Variants in NSG2 observed in about 807,000 individuals in gnomAD.
NSG2 encodes the protein neuronal vesicle trafficking associated 2, also known as neuronal vesicle trafficking-associated protein 2.
NSG2 carries 4 observed loss-of-function variants against 16.9 expected under a neutral mutation model. That is an observed-to-expected ratio of 0.24 (90% CI 0.12 to 0.54). NSG2 has a LOEUF of 0.54. Ranked by LOEUF, NSG2 falls within the 20% of genes least tolerant of loss-of-function variation. NSG2 has a pLI of 0.95. For missense variants in NSG2, 179 were observed against 221.1 expected (o/e 0.81, Z 1.21); for synonymous variants, 98 against 88.7 (o/e 1.11, Z -0.59).
At chr5:174,089,272 C>G (rs558681953) in intron 3 of NSG2, among the ~76,000 whole-genome samples, 11 of 152,174 alleles carry the variant, frequency 7.2e-5, no homozygotes, top group Non-Finnish European at 1.3e-4. Flanking sequence ...AGGGTGGGGT[C>G]CTCAATGAAT....
At chr5:174,076,956 C>T (rs1433279976) in intron 3 of NSG2, among the ~76,000 whole-genome samples, 1 of 152,146 alleles carries the variant, frequency 6.6e-6, no homozygotes, top group Non-Finnish European at 1.5e-5. Context: ...GTCACGCCAC[C>T]AAGGATAAGT....
rs149037053 is a variant in NSG2, at chr5:174,107,069, G to T, written c.325-245G>T. Among the ~76,000 whole-genome samples the T allele has an allele frequency of 1.1e-4, 16 of 152,278 alleles. No homozygotes were observed. Among genetic ancestry groups the T allele is most frequent in the African/African-American group, 3.8e-4 (16 of 41,570 alleles). ...AGCCGGACAGTCAGTATGCAGAGAA[G>T]GCTGGCCTTGAATCAGTGTCAATAT... On this transcript the variant is annotated intron_variant, in intron 4 of 4. Coordinates refer to ENST00000303177, the MANE Select transcript of NSG2 (RefSeq NM_015980.5). This position sits in a 1 kb window ranked among gnomAD's most constrained non-coding sequence, Gnocchi z 4.5.
chr5:174,052,114 T>A (rs1759898495), intron 2 of NSG2, among the ~76,000 whole-genome samples: 1 of 152,142 alleles, frequency 6.6e-6, no homozygotes. Flanking sequence ...GGTCTTCTGA[T>A]CTCCTCTACT....
At chr5:174,097,479 G>A (rs1760815874) in intron 3 of NSG2, among the ~76,000 whole-genome samples, 1 of 151,372 alleles carries the variant, frequency 6.6e-6, no homozygotes, top group African/African-American at 2.4e-5. Context: ...GTGTATGTGT[G>A]TATGTCTGTG....
intron 3 of NSG2, among the ~76,000 whole-genome samples, chr5:174,090,790 C>T (rs938126548): frequency 6.6e-5 from 10 of 152,206 alleles, no homozygotes; most frequent in Non-Finnish European, 1.3e-4. Flanking sequence ...GCAGAAATGC[C>T]GTCTTCCCCA....
chr5:174,086,175 C>T (rs982030745), intron 3 of NSG2, among the ~76,000 whole-genome samples: 1 of 152,200 alleles, frequency 6.6e-6, no homozygotes, highest in African/African-American at 2.4e-5. Flanking sequence ...ACAAGTCACA[C>T]TCCTGGCCTC....
At position 174,107,798 on chromosome 5, in the gene NSG2, C is replaced by G. The variant is rs1561678248; in HGVS notation, c.*293C>G. ...GATATTTTTAAAGCCACTGCTTATT[C>G]TTTGTTAGGAAAATGTAACAGCAGA... On this transcript the variant is annotated 3_prime_UTR_variant, in exon 5 of 5. Coordinates refer to ENST00000303177, the MANE Select transcript of NSG2 (RefSeq NM_015980.5). This position sits in a 1 kb window ranked among gnomAD's most constrained non-coding sequence, Gnocchi z 4.5. 3 of 586,016 alleles carry G rather than the reference C, an allele frequency of 5.1e-6. No individual in the cohort carries two copies. The highest frequency in any genetic ancestry group is 7.3e-5 in the East Asian group (2 of 27,456). The allele number at this position is 586,016 out of a possible 1,614,324, so 36.3% of individuals were successfully genotyped here.
At chr5:174,073,192 C>T (rs1760272771) in intron 3 of NSG2, among the ~76,000 whole-genome samples, 4 of 152,208 alleles carry the variant, frequency 2.6e-5, no homozygotes, top group Admixed American at 2.0e-4. Context: ...ATGCCACATT[C>T]TTAAGAAGTT....
rs150529855 is a variant in NSG2 at position 174,093,542 on chromosome 5, A to T, written c.214-10686A>T. Among the ~76,000 whole-genome samples the T allele has an allele frequency of 5.6e-4, 85 of 152,326 alleles. No individual in the cohort carries two copies. In the East Asian group the frequency reaches 0.016, roughly 29 times the overall value. ...CTTGGTACTAGGGGAAGGGCTAAAA[A>T]GAACCCAGGTGTCATCTGGGCAGAA... On this transcript the variant is annotated intron_variant, in intron 3 of 4. Coordinates refer to ENST00000303177, the MANE Select transcript of NSG2 (RefSeq NM_015980.5).
At chr5:174,073,244 T>C (rs974306168) in intron 3 of NSG2, among the ~76,000 whole-genome samples, 1 of 152,244 alleles carries the variant, frequency 6.6e-6, no homozygotes, top group African/African-American at 2.4e-5. Flanking sequence ...TACCAATTTT[T>C]CATCAAAACT....
intron 2 of NSG2, among the ~76,000 whole-genome samples, chr5:174,050,548 G>T (rs1759871089): frequency 6.6e-6 from 1 of 152,182 alleles, no homozygotes; most frequent in African/African-American, 2.4e-5. Context: ...ATGAAGAGTG[G>T]AAGGGCTAGG....
At chr5:174,069,624 T>G (rs1366136244) in intron 3 of NSG2, among the ~76,000 whole-genome samples, 1 of 152,184 alleles carries the variant, frequency 6.6e-6, no homozygotes, top group Non-Finnish European at 1.5e-5. Flanking sequence ...AATTATCATT[T>G]TCTTTCTTTC....
At chr5:174,055,013 G>T (rs1265132860) in intron 2 of NSG2, among the ~76,000 whole-genome samples, 7 of 152,182 alleles carry the variant, frequency 4.6e-5, no homozygotes, top group African/African-American at 1.4e-4. Context: ...TTAATGCAAC[G>T]GAGTAATTAT....
chr5:174,053,173 G>A (rs184225451), intron 2 of NSG2, among the ~76,000 whole-genome samples: 3 of 152,132 alleles, frequency 2.0e-5, no homozygotes. Flanking sequence ...AGTTTGTTCA[G>A]CCCTAAAACA....
At chr5:174,082,120 G>C (rs1760487280) in intron 3 of NSG2, among the ~76,000 whole-genome samples, 1 of 152,162 alleles carries the variant, frequency 6.6e-6, no homozygotes, top group African/African-American at 2.4e-5. Context: ...CTGAAGCTTT[G>C]AAAGATTACA....
At chr5:174,099,312 C>T (rs1306695773) in intron 3 of NSG2, among the ~76,000 whole-genome samples, 3 of 152,176 alleles carry the variant, frequency 2.0e-5, no homozygotes, top group Non-Finnish European at 4.4e-5. Flanking sequence ...AACTCGCCGG[C>T]CTGAGCCGGC....
At chr5:174,058,906 T>C (rs922461238) in intron 2 of NSG2, among the ~76,000 whole-genome samples, 11 of 152,226 alleles carry the variant, frequency 7.2e-5, no homozygotes, top group South Asian at 2.1e-4. Flanking sequence ...ACCCACATGG[T>C]ATCAGGCACC....
In NSG2 at chr5:174,072,777, A is replaced by G. The variant is rs781248857; in HGVS notation, c.213+8462A>G. 1.3e-5 allele frequency among the ~76,000 whole-genome samples: 2 copies of G among 152,238 alleles called. No homozygotes were observed. The highest frequency in any genetic ancestry group is 2.9e-5 in the Non-Finnish European group (2 of 68,044). On this transcript the variant is annotated intron_variant, in intron 3 of 4. Coordinates refer to ENST00000303177, the MANE Select transcript of NSG2 (RefSeq NM_015980.5). The surrounding 1 kb of genome is among the most constrained non-coding windows in gnomAD (Gnocchi z 4.0). ...GGTGGGAGGATTGCTTGAACCCAGGAGTTTGAGACCAGCCTGGGCAACATG... is the reference window on the plus strand; with the variant it reads ...GGTGGGAGGATTGCTTGAACCCAGGGGTTTGAGACCAGCCTGGGCAACATG...
intron 3 of NSG2, among the ~76,000 whole-genome samples, chr5:174,074,217 T>C (rs745464859): frequency 1.6e-4 from 25 of 152,218 alleles, no homozygotes; most frequent in Non-Finnish European, 1.2e-4. Context: ...CGTTTCCCAA[T>C]CTGCAAAATG....
Sources: gnomAD v4.1 joint callset for allele counts (sites outside exome capture counted in the v4.1 genomes callset) on GRCh38, gnomAD v4.1.1 for gene constraint, Gnocchi (gnomAD v3.1) non-coding constraint, MANE v1.5 for transcripts, NCBI Gene and HGNC (gene_info 2026-07-23, HGNC 2026-07-21) for gene names.